The following KIF18A variants were observed in gnomAD, a reference collection of about 807,000 sequenced individuals.
KIF18A encodes the protein kinesin-like protein KIF18A.
KIF18A carries 67 observed loss-of-function variants against 103.3 expected under a neutral mutation model. The ratio of observed to expected loss-of-function variants is 0.65; its 90% CI spans 0.53 to 0.79. The LOEUF is 0.79. KIF18A is among the 30% of genes least tolerant of loss of function. The pLI is 0.00. For missense variants in KIF18A, 1,032 were observed against 1,062.5 expected, an observed-to-expected ratio of 0.97 and a Z score of 0.40; for synonymous variants, 367 against 355.5, an observed-to-expected ratio of 1.03 and a Z score of -0.36.
intron 13 of KIF18A, among the ~76,000 whole-genome samples, chr11:28,046,707 A>G (rs1397800935): frequency 2.1e-5 from 3 of 141,198 alleles, no homozygotes; most frequent in African/African-American, 5.3e-5. Context: ...AATAAAAGAA[A>G]AAAAAAAAGA....
intron 4 of KIF18A, 66 bp from the exon 5 acceptor site, chr11:28,090,793 T>C (rs1319165100): frequency 2.2e-5 from 17 of 775,418 alleles, no homozygotes; most frequent in Non-Finnish European, 3.5e-5. Flanking sequence ...TTTCAATAAA[T>C]GTTCAAAAAA....
chr11:28,103,043 T>C (rs375100426), intron 1 of KIF18A, among the ~76,000 whole-genome samples: 1 of 152,288 alleles, frequency 6.6e-6, no homozygotes, highest in African/African-American at 2.4e-5. Flanking sequence ...GATAGTATTA[T>C]AGCCTCTGAT....
At chr11:28,107,264 T>C (rs1002776279) in intron 1 of KIF18A, among the ~76,000 whole-genome samples, 7 of 152,092 alleles carry the variant, frequency 4.6e-5, no homozygotes, top group African/African-American at 1.4e-4. Flanking sequence ...ATCCATAATC[T>C]AAACTATATA....
At chr11:28,062,006 G>A (rs1303304327) in intron 12 of KIF18A, among the ~76,000 whole-genome samples, 2 of 151,984 alleles carry the variant, frequency 1.3e-5, no homozygotes, top group Non-Finnish European at 2.9e-5. Flanking sequence ...AAAAATTCTG[G>A]AATTATGAAT....
In KIF18A at chr11:28,084,791, G is replaced by A. The variant is rs1384133996; in HGVS notation, c.915C>T (p.Ile305=). The A allele has an allele frequency of 1.2e-6, 2 of 1,609,988 alleles. No homozygotes were observed. Among genetic ancestry groups the A allele is most frequent in the East Asian group, 2.2e-5 (1 of 44,812 alleles). Residue 305 remains isoleucine, a synonymous_variant, in exon 7 of 17, where the codon ATC becomes ATT. Transcript: ENST00000263181. ...LADSKRKNQH[I]PYRNSKLTRL... The stretch of plus-strand genomic sequence containing the variant: ...GAGTAAGCTTACTATTTCTGTAAGG[G>A]ATATGCTGATTCTTTCTCTGAAAGC...
intron 15 of KIF18A, among the ~76,000 whole-genome samples, chr11:28,032,699 C>A (rs1252245484): frequency 1.3e-5 from 2 of 151,848 alleles, no homozygotes; most frequent in Non-Finnish European, 1.5e-5. Flanking sequence ...CTATCTCTTG[C>A]AATATACAGA....
chr11:28,100,666 T>C (rs990024173), intron 1 of KIF18A, among the ~76,000 whole-genome samples: 1 of 152,062 alleles, frequency 6.6e-6, no homozygotes, highest in Non-Finnish European at 1.5e-5. Context: ...CCATATACTT[T>C]CGGACAGAAT....
intron 5 of KIF18A, among the ~76,000 whole-genome samples, chr11:28,089,124 G>A (rs1565089077): frequency 6.6e-6 from 1 of 152,078 alleles, no homozygotes; most frequent in East Asian, 1.9e-4. Flanking sequence ...GCCCCTCAAG[G>A]GAAGCTGAAT....
At chr11:28,031,986 A>G (rs1011527535) in intron 15 of KIF18A, among the ~76,000 whole-genome samples, 3 of 151,938 alleles carry the variant, frequency 2.0e-5, no homozygotes, top group Admixed American at 6.6e-5. Flanking sequence ...ATATATTTGG[A>G]AAAACGTAGA....
chr11:28,044,552 C>T (rs1031345874), intron 13 of KIF18A, among the ~76,000 whole-genome samples: 7 of 151,976 alleles, frequency 4.6e-5, no homozygotes, highest in East Asian at 1.9e-4. Flanking sequence ...GATAAAGTGG[C>T]GAGTGTTCTA....
intron 1 of KIF18A, among the ~76,000 whole-genome samples, chr11:28,103,950 A>C (rs1422718237): frequency 6.6e-6 from 1 of 152,164 alleles, no homozygotes; most frequent in Non-Finnish European, 1.5e-5. Context: ...TACTTAGCAA[A>C]GCTAATATTC....
At chr11:28,080,929 C>T (rs913921786) in intron 9 of KIF18A, among the ~76,000 whole-genome samples, 2 of 152,176 alleles carry the variant, frequency 1.3e-5, no homozygotes, top group African/African-American at 4.8e-5. Context: ...GAAAGTGAAA[C>T]AGCCTTATTG....
chr11:28,036,400 T>C lies in KIF18A; in HGVS notation c.2213A>G (p.Asn738Ser). 1.2e-6 allele frequency: 2 copies of C among 1,611,200 alleles called. No homozygotes were observed. Among genetic ancestry groups the C allele is most frequent in the Non-Finnish European group, 8.5e-7 (1 of 1,178,176 alleles). Residue 738 changes from asparagine (N) to serine (S), a missense_variant, in exon 14 of 17, where the codon AAC becomes AGC. Physicochemically the swap from Asn to Ser is conservative, Grantham distance 46 (BLOSUM62 1). Coordinates refer to ENST00000263181, the MANE Select transcript of KIF18A (RefSeq NM_031217.4). The part of the protein sequence containing the change: ...FTTSFQAISS[N>S]INSDNCLKML... ...TTTCAGACAATTATCACTGTTTATG[T>C]TTGAGCTGATAGCCTGAAAACTTGT...
chr11:28,098,715 GT>G (rs1405941761), intron 1 of KIF18A, among the ~76,000 whole-genome samples: 1 of 152,068 alleles, frequency 6.6e-6, no homozygotes, highest in East Asian at 1.9e-4. Context: ...ATGATAGCAG[GT>G]TTAAAAATTA....
chr11:28,042,334 G>T (rs1364286789), intron 13 of KIF18A, among the ~76,000 whole-genome samples: 1 of 151,734 alleles, frequency 6.6e-6, no homozygotes, highest in Non-Finnish European at 1.5e-5. Context: ...CTCTTTTTAG[G>T]TTAGGCACCC....
At chr11:28,079,726 GCTGATGTA>G (rs896457736) in intron 9 of KIF18A, among the ~76,000 whole-genome samples, 4 of 151,700 alleles carry the variant, frequency 2.6e-5, no homozygotes, top group African/African-American at 9.7e-5. Context: ...CCTTTAATAA[GCTGATGTA>G]CTTTGGAAGT....
chr11:28,039,262 C>T (rs968673989), intron 13 of KIF18A, among the ~76,000 whole-genome samples: 1 of 151,676 alleles, frequency 6.6e-6, no homozygotes, highest in African/African-American at 2.4e-5. Flanking sequence ...ACTTTCCAAT[C>T]ATCAAAAACT....
At chr11:28,024,518 C>T (rs1331517838) in intron 15 of KIF18A, among the ~76,000 whole-genome samples, 1 of 151,590 alleles carries the variant, frequency 6.6e-6, no homozygotes, top group African/African-American at 2.4e-5. Flanking sequence ...AAATCCCTGT[C>T]CTAAAAACTT....
At position 28,021,079 on chromosome 11, in the gene KIF18A, G is replaced by T; in HGVS notation, c.*121C>A. ...ATTTTTCTGCTTGCTGAAAGTACTT[G>T]GGTAAACTTAGCTTTAAGATGGGTC... On this transcript the variant is annotated 3_prime_UTR_variant, in exon 17 of 17. Transcript: ENST00000263181. 1.1e-6 allele frequency: 1 copy of T among 922,940 alleles called. No individual in the cohort carries two copies. Among genetic ancestry groups the T allele is most frequent in the African/African-American group, 1.7e-5 (1 of 58,040 alleles). The allele number at this position is 922,940 out of a possible 1,614,324, so 57.2% of individuals were successfully genotyped here.
Sources: gnomAD v4.1 joint callset for allele counts (sites outside exome capture counted in the v4.1 genomes callset) on GRCh38, gnomAD v4.1.1 for gene constraint, MANE v1.5 for transcripts, NCBI Gene and HGNC (gene_info 2026-07-23, HGNC 2026-07-21) for gene names.